Variants in SLC38A11 observed in about 807,000 individuals in gnomAD.
SLC38A11 encodes solute carrier family 38 member 11, also known as putative sodium-coupled neutral amino acid transporter 11.
Under a neutral mutation model 49.4 loss-of-function variants are expected in SLC38A11, and 51 were observed. The ratio of observed to expected loss-of-function variants is 1.03; its 90% CI spans 0.83 to 1.30. SLC38A11 has a LOEUF of 1.30. Ranked by LOEUF, SLC38A11 falls within the 50% of genes most tolerant of loss-of-function variation. SLC38A11 has a pLI of 0.00. For missense variants in SLC38A11, 574 were observed against 556.2 expected, an observed-to-expected ratio of 1.03 and a Z score of -0.32; for synonymous variants, 203 against 192.9, an observed-to-expected ratio of 1.05 and a Z score of -0.43.
At chr2:164,907,833 T>C (rs1008775020) in intron 11 of SLC38A11, 2 of 152,178 alleles carry the variant, frequency 1.3e-5, no homozygotes, top group African/African-American at 4.8e-5. Flanking sequence ...AAAGAATTGA[T>C]ATGGCTTATT....
At position 164,955,374 on chromosome 2, in the gene SLC38A11, A is replaced by G; in HGVS notation, c.-127T>C. Reference sequence around the variant, plus strand: ...TGTAGCCGCAGAGCTGCAGGGAGCCAGTTCCACGGGCGCCCCCTGCTCCCT... The same window carrying G: ...TGTAGCCGCAGAGCTGCAGGGAGCCGGTTCCACGGGCGCCCCCTGCTCCCT... On this transcript the variant is annotated 5_prime_UTR_variant, in exon 1 of 12. Transcript: ENST00000685975. 2 of 906,474 alleles carry G rather than the reference A, an allele frequency of 2.2e-6. No homozygotes were observed. The highest frequency in any genetic ancestry group is 1.5e-5 in the South Asian group (1 of 65,362). The allele number at this position is 906,474 out of a possible 1,614,324, so 56.2% of individuals were successfully genotyped here.
chr2:164,901,259 T>C (rs1684632653), intron 11 of SLC38A11, among the ~76,000 whole-genome samples: 1 of 152,236 alleles, frequency 6.6e-6, no homozygotes, highest in South Asian at 2.1e-4. Context: ...ATTTTTCTTT[T>C]CAATACTGAT....
intron 5 of SLC38A11, among the ~76,000 whole-genome samples, chr2:164,943,113 C>T (rs185138828): frequency 6.6e-6 from 1 of 152,264 alleles, no homozygotes; most frequent in Admixed American, 6.5e-5. Context: ...GCATCCATCT[C>T]CTCAACTGTA....
chr2:164,915,921 C>A lies in SLC38A11; in HGVS notation c.670G>T (p.Val224Phe). ...VFAKPNAIQA[V>F]GVMSFAFICH... The stretch of plus-strand genomic sequence containing the variant: ...TACTCACCAAAAGACATAACCCCGA[C>A]CGCTTGAATGGCATTGGGCTTTGCA... Residue 224 changes from valine to phenylalanine, a missense_variant, in exon 8 of 12, where the codon GTC (valine) becomes TTC (phenylalanine). By Grantham distance (50) the Val-to-Phe change is conservative. Coordinates refer to ENST00000685975, the MANE Select transcript of SLC38A11 (RefSeq NM_001351537.2). 1 of 1,602,740 alleles carries A rather than the reference C, an allele frequency of 6.2e-7. No homozygotes were observed. Among genetic ancestry groups the A allele is most frequent in the Non-Finnish European group, 8.5e-7 (1 of 1,171,598 alleles).
At chr2:164,919,471 ATTAT>A (rs1271128044) in intron 7 of SLC38A11, among the ~76,000 whole-genome samples, 7 of 152,228 alleles carry the variant, frequency 4.6e-5, no homozygotes, top group Non-Finnish European at 7.3e-5. Flanking sequence ...ATATGATAAA[ATTAT>A]TTATATACAC....
At chr2:164,922,326 G>C (rs1340202848) in intron 7 of SLC38A11, 1 of 152,174 alleles carries the variant, frequency 6.6e-6, no homozygotes, top group Non-Finnish European at 1.5e-5. Flanking sequence ...ACATCCGGGA[G>C]TTGAGTGCTT....
intron 7 of SLC38A11, among the ~76,000 whole-genome samples, chr2:164,925,845 T>C (rs1371075822): frequency 6.6e-6 from 1 of 152,174 alleles, no homozygotes; most frequent in Non-Finnish European, 1.5e-5. Context: ...CCAGTAGACA[T>C]TTAATAAGTG....
intron 5 of SLC38A11, among the ~76,000 whole-genome samples, chr2:164,943,408 A>G (rs191742082): frequency 3.3e-5 from 5 of 152,344 alleles, no homozygotes; most frequent in African/African-American, 1.2e-4. Context: ...CTCAGAAATA[A>G]TTTGTTAAAA....
chr2:164,916,452 G>A (rs747061634), intron 7 of SLC38A11, among the ~76,000 whole-genome samples: 26 of 151,974 alleles, frequency 1.7e-4, no homozygotes, highest in Non-Finnish European at 3.5e-4. Context: ...ACTAATTGAG[G>A]ATGTACTATC....
At chr2:164,954,593 C>T in intron 2 of SLC38A11, 38 bp downstream of exon 2, 1 of 1,092,748 alleles carries the variant, frequency 9.2e-7, no homozygotes, top group Non-Finnish European at 1.3e-6. Flanking sequence ...AAATTTTGCC[C>T]TTTCACTTAA....
intron 7 of SLC38A11, among the ~76,000 whole-genome samples, chr2:164,920,240 C>A (rs1355123907): frequency 1.4e-5 from 2 of 146,378 alleles, no homozygotes; most frequent in African/African-American, 5.1e-5. Context: ...TGCCCCACTG[C>A]ACTCCACTCC....
At chr2:164,939,583 G>A (rs1330316147) in intron 5 of SLC38A11, 27 bp from the exon 6 acceptor site, 2 of 1,488,478 alleles carry the variant, frequency 1.3e-6, no homozygotes, top group Admixed American at 1.7e-5. Context: ...ATTATTAAAT[G>A]TTACAGGTAT....
intron 7 of SLC38A11, among the ~76,000 whole-genome samples, chr2:164,928,825 A>G (rs570408875): frequency 3.9e-5 from 6 of 152,210 alleles, no homozygotes; most frequent in African/African-American, 1.2e-4. Context: ...TGATCTTTAG[A>G]ATGTGTTCAC....
intron 7 of SLC38A11, among the ~76,000 whole-genome samples, chr2:164,920,814 T>C (rs1314297060): frequency 1.3e-5 from 2 of 151,988 alleles, no homozygotes; most frequent in Non-Finnish European, 2.9e-5. Context: ...AGGATGATCA[T>C]GGGGGAGCAA....
chr2:164,924,891 T>C (rs1262495775), intron 7 of SLC38A11, among the ~76,000 whole-genome samples: 3 of 150,840 alleles, frequency 2.0e-5, no homozygotes, highest in Non-Finnish European at 4.4e-5. Flanking sequence ...CCAGCCACCA[T>C]GCCCGGCTAA....
intron 7 of SLC38A11, among the ~76,000 whole-genome samples, chr2:164,926,719 T>C (rs550128059): frequency 1.3e-5 from 2 of 151,928 alleles, no homozygotes; most frequent in African/African-American, 4.8e-5. Flanking sequence ...TGTAGGGACA[T>C]GGATGAAGCT....
At chr2:164,906,447 T>A (rs899800246) in intron 11 of SLC38A11, among the ~76,000 whole-genome samples, 2 of 152,188 alleles carry the variant, frequency 1.3e-5, no homozygotes, top group African/African-American at 4.8e-5. Flanking sequence ...CAGCACTGTG[T>A]CCTTAGCCCT....
In SLC38A11 at chr2:164,915,284, A is replaced by G. The variant is rs756524298; in HGVS notation, c.689-11T>C. 2 of 1,574,912 alleles carry G rather than the reference A, an allele frequency of 1.3e-6. No individual in the cohort carries two copies. The highest frequency in any genetic ancestry group is 2.0e-5 in the Admixed American group (1 of 49,904). On this transcript the variant is annotated splice_polypyrimidine_tract_variant and intron_variant, in intron 8 of 11. Transcript: ENST00000685975. ...GGTGGCAAATAAATGCTGCAATACAAAAAAAAAGAGCATTATTAAATCAAG... is the reference window on the plus strand; with the variant it reads ...GGTGGCAAATAAATGCTGCAATACAGAAAAAAAGAGCATTATTAAATCAAG...
intron 7 of SLC38A11, among the ~76,000 whole-genome samples, chr2:164,929,486 A>T (rs1284116879): frequency 3.3e-5 from 5 of 152,128 alleles, no homozygotes; most frequent in African/African-American, 9.7e-5. Context: ...ACCTTAAAAG[A>T]GAAAATTCTT....
Sources: gnomAD v4.1 joint callset for allele counts (sites outside exome capture counted in the v4.1 genomes callset) on GRCh38, gnomAD v4.1.1 for gene constraint, MANE v1.5 for transcripts, NCBI Gene and HGNC (gene_info 2026-07-23, HGNC 2026-07-21) for gene names.